The following THADA variants were observed in gnomAD, a reference collection of about 807,000 sequenced individuals.
The protein encoded by THADA is THADA armadillo repeat containing, also known as tRNA (32-2'-O)-methyltransferase regulator THADA.
THADA carries 213 observed loss-of-function variants against 219.8 expected under a neutral mutation model. The ratio of observed to expected loss-of-function variants is 0.97; its 90% confidence interval spans 0.87 to 1.09. The LOEUF (loss-of-function observed/expected upper bound fraction) is 1.09, where lower values mean the gene tolerates loss of function less well. THADA is among the 50% of genes least tolerant of loss of function. The pLI, the probability that THADA is intolerant of heterozygous loss-of-function variation, is 0.00. For synonymous variants in THADA, 1,018 were observed against 828.9 expected (o/e 1.23, Z -3.92); for missense variants, 2,956 against 2,311.3 (o/e 1.28, Z -5.72).
intron 36 of THADA, among the ~76,000 whole-genome samples, chr2:43,264,349 C>T (rs1363254721): frequency 6.6e-6 from 1 of 151,578 alleles, no homozygotes; most frequent in Non-Finnish European, 1.5e-5. Flanking sequence ...GCAATGGCGC[C>T]ATCTCAGTTC....
At chr2:43,580,859 G>A (rs1302398421) in intron 8 of THADA, among the ~76,000 whole-genome samples, 3 of 150,318 alleles carry the variant, frequency 2.0e-5, no homozygotes, top group African/African-American at 4.9e-5. Context: ...CAGTGTGGGC[G>A]ACAAAGAGAG....
chr2:43,296,253 C>T (rs531488906), intron 31 of THADA, among the ~76,000 whole-genome samples: 2 of 151,566 alleles, frequency 1.3e-5, no homozygotes, highest in Non-Finnish European at 2.9e-5. Flanking sequence ...GCAGAATTCC[C>T]AGCTCACCAG....
At position 43,498,926 on chromosome 2, in the gene THADA, C is replaced by A. The variant is rs1278129279; in HGVS notation, c.3651G>T (p.Leu1217Phe). 4 of 1,583,932 alleles carry A rather than the reference C, an allele frequency of 2.5e-6. No homozygotes were observed. Among genetic ancestry groups the A allele is most frequent in the Admixed American group, 1.8e-5 (1 of 54,408 alleles). Residue 1217 changes from leucine (L) to phenylalanine (F), a missense_variant, in exon 25 of 38, where the codon TTG becomes TTT. Transcript: ENST00000405975. ...TTTCTCCCAGGCGCGTATCTCTGAACAATGCTCTAAGGATATTTAAAGCAT... is the reference window on the plus strand; with the variant it reads ...TTTCTCCCAGGCGCGTATCTCTGAAAAATGCTCTAAGGATATTTAAAGCAT... ...QVHALNILRA[L>F]FRDTRLGENI...
chr2:43,591,105 G>C (rs1396914159), intron 3 of THADA, among the ~76,000 whole-genome samples, 151 bp from the exon 4 acceptor site: 1 of 152,128 alleles, frequency 6.6e-6, no homozygotes, highest in Non-Finnish European at 1.5e-5. Context: ...CAGATCGCTT[G>C]AGCCCAGGAG....
chr2:43,454,547 A>C (rs1682752345), intron 26 of THADA, among the ~76,000 whole-genome samples: 1 of 152,046 alleles, frequency 6.6e-6, no homozygotes, highest in Admixed American at 6.6e-5. Flanking sequence ...GGCTGCAGTG[A>C]GCCAAGATCA....
In THADA at chr2:43,556,436, T is replaced by G; in HGVS notation, c.2583A>C (p.Leu861=). The G allele has an allele frequency of 6.2e-7, 1 of 1,613,846 alleles. No individual in the cohort carries two copies. Among genetic ancestry groups the G allele is most frequent in the Non-Finnish European group, 8.5e-7 (1 of 1,179,822 alleles). The change falls in exon 17 of 38, where the codon CTA becomes CTC. Residue 861 remains leucine (L), a synonymous_variant. Transcript: ENST00000405975. ...TTAAGTAGGCAGACAAGGATGACGG[T>G]AGAGCATCCTGCCAGATTAAGAAGT... is the stretch of plus-strand genomic sequence containing the variant. ...LLNFLIWQDA[L]PSSLSAYLTQ... is the part of the protein sequence containing the mutation.
intron 36 of THADA, among the ~76,000 whole-genome samples, chr2:43,240,413 G>A (rs138436514): frequency 6.6e-6 from 1 of 152,276 alleles, no homozygotes; most frequent in African/African-American, 2.4e-5. Context: ...CCCTTAGCAG[G>A]GGAAGAGCCT....
At chr2:43,532,669 G>A (rs1452325274) in intron 21 of THADA, among the ~76,000 whole-genome samples, 1 of 152,082 alleles carries the variant, frequency 6.6e-6, no homozygotes, top group Non-Finnish European at 1.5e-5. Context: ...AAAGCTGAAA[G>A]CATTCCCTTT....
At chr2:43,322,748 C>T (rs185880215) in intron 30 of THADA, among the ~76,000 whole-genome samples, 8,029 of 117,448 alleles carry the variant, frequency 0.068, 317 homozygotes, top group South Asian at 0.21. Flanking sequence ...TGCAGTGGTG[C>T]GATCTTGGCT....
At position 43,577,809 on chromosome 2, in the gene THADA, G is replaced by A. The variant is rs116143037; in HGVS notation, c.817-567C>T. 8.0e-3 allele frequency among the ~76,000 whole-genome samples: 1,207 copies of A among 151,432 alleles called. 17 individuals are homozygous for A. Among genetic ancestry groups the A allele is most frequent in the African/African-American group, 0.028 (1,163 of 41,224 alleles). Reference sequence around the variant, plus strand: ...CTTCCTGTCTAAAGCACATGATTTGGGTTATTCTCAATAAAGAATACATTT... The same window carrying A: ...CTTCCTGTCTAAAGCACATGATTTGAGTTATTCTCAATAAAGAATACATTT... On this transcript the variant is annotated intron_variant, in intron 9 of 37. Transcript: ENST00000405975.
At chr2:43,414,064 ATTG>A (rs1390115026) in intron 28 of THADA, among the ~76,000 whole-genome samples, 2 of 152,132 alleles carry the variant, frequency 1.3e-5, no homozygotes, top group Non-Finnish European at 2.9e-5. Context: ...GTTATGTTGT[ATTG>A]TTTTTACATT....
chr2:43,438,764 C>T (rs944398039), intron 26 of THADA, among the ~76,000 whole-genome samples: 2 of 152,158 alleles, frequency 1.3e-5, no homozygotes, highest in African/African-American at 4.8e-5. Context: ...AACTGGATAG[C>T]ACTGAACTGT....
At chr2:43,429,963 G>C (rs1214672132) in intron 27 of THADA, among the ~76,000 whole-genome samples, 1 of 152,156 alleles carries the variant, frequency 6.6e-6, no homozygotes, top group African/African-American at 2.4e-5. Flanking sequence ...GAGCTCAGGA[G>C]TTTGAGACCA....
chr2:43,563,136 A>T (rs112715138), intron 15 of THADA: 2 of 152,116 alleles, frequency 1.3e-5, no homozygotes, highest in East Asian at 3.9e-4. Flanking sequence ...CTTGAGGTGG[A>T]AAGTTAACTT....
intron 17 of THADA, among the ~76,000 whole-genome samples, chr2:43,555,225 C>G (rs1465068633): frequency 6.6e-6 from 1 of 150,800 alleles, no homozygotes; most frequent in Non-Finnish European, 1.5e-5. Flanking sequence ...ATATATACAC[C>G]AGAGGCAATA....
Position 43,279,869 on chromosome 2 carries a change from T to C in THADA, c.5192A>G (p.Lys1731Arg). 6.4e-7 allele frequency: 1 copy of C among 1,560,924 alleles called. No homozygotes were observed. Among genetic ancestry groups the C allele is most frequent in the Non-Finnish European group, 8.6e-7 (1 of 1,156,620 alleles). Residue 1731 changes from lysine (K) to arginine (R), a missense_variant, in exon 36 of 38, where the codon AAG becomes AGG. Transcript: ENST00000405975. Reference sequence around the variant, plus strand: ...ACTCTGCAGAAGGGTAAGGACACACTTCCAGAGAGCAAGTGTATCCTGCAA... The same window carrying C: ...ACTCTGCAGAAGGGTAAGGACACACCTCCAGAGAGCAAGTGTATCCTGCAA... Reference protein sequence around the residue: ...LELQDTLALWKCVLTLLQSEE... With the variant: ...LELQDTLALWRCVLTLLQSEE...
chr2:43,427,781 C>T (rs1678663808), intron 28 of THADA, among the ~76,000 whole-genome samples: 1 of 149,080 alleles, frequency 6.7e-6, no homozygotes, highest in Admixed American at 6.7e-5. Context: ...ACAGTGAAAC[C>T]CCATCTCTAC....
chr2:43,576,934 G>C lies in THADA; in HGVS notation c.1037+88C>G, dbSNP rs1699915882. ...CCTACTGGGAGGGTAGCTGGGATTA[G>C]AGGCACAAGCCACTCCAGCTTTTGG... On this transcript the variant is annotated intron_variant, in intron 10 of 37. Coordinates refer to ENST00000405975, the MANE Select transcript of THADA (RefSeq NM_022065.5). 4.1e-6 allele frequency: 5 copies of C among 1,205,570 alleles called. No individual in the cohort carries two copies. The Admixed American group carries it at 6.2e-5, about 15-fold the overall frequency. 74.7% of individuals were successfully genotyped at this position (1,205,570 alleles called of 1,614,324 possible).
intron 31 of THADA, among the ~76,000 whole-genome samples, chr2:43,293,757 A>G (rs2104375312): frequency 6.6e-6 from 1 of 152,196 alleles, no homozygotes; most frequent in East Asian, 1.9e-4. Flanking sequence ...ACATTTGATT[A>G]CAATTCTTGT....
Sources: gnomAD v4.1 joint callset for allele counts (sites outside exome capture counted in the v4.1 genomes callset) on GRCh38, gnomAD v4.1.1 for gene constraint, MANE v1.5 for transcripts, NCBI Gene and HGNC (gene_info 2026-07-23, HGNC 2026-07-21) for gene names.